ABHD12: variants seen among roughly 807,000 people sequenced by gnomAD.
The protein encoded by ABHD12 is lysophosphatidylserine lipase ABHD12.
A neutral mutation model predicts 58.3 loss-of-function variants in ABHD12; 43 were observed. That is an observed-to-expected ratio of 0.74 (90% CI 0.58 to 0.95). The LOEUF is 0.95. ABHD12 is among the 40% of genes least tolerant of loss of function. The pLI, the probability that ABHD12 is intolerant of heterozygous loss-of-function variation, is 0.00. For synonymous variants in ABHD12, 219 were observed against 211.2 expected (o/e 1.04, Z -0.32); for missense variants, 539 against 537.2 (o/e 1.00, Z -0.03).
intron 1 of ABHD12, among the ~76,000 whole-genome samples, chr20:25,382,170 T>G (rs1318117205): frequency 1.3e-5 from 2 of 152,234 alleles, no homozygotes; most frequent in Non-Finnish European, 2.9e-5. Flanking sequence ...AAAACTCACC[T>G]GAGACCTGGG....
intron 1 of ABHD12, 50 bp downstream of exon 1, chr20:25,390,463 A>T (rs1015127957): frequency 7.5e-7 from 1 of 1,327,892 alleles, no homozygotes; most frequent in East Asian, 4.7e-5. Context: ...GCACCTGCGC[A>T]AAGTGAGGGA....
downstream of ABHD12, chr20:25,297,735 G>C (rs181745719): frequency 2.6e-5 from 4 of 152,344 alleles, no homozygotes; most frequent in African/African-American, 9.6e-5. Flanking sequence ...GATCTGGGCT[G>C]CGGGGAGGCT....
At chr20:25,369,927 T>TAAAAA (rs3032443) in intron 1 of ABHD12, among the ~76,000 whole-genome samples, 1,487 of 90,480 alleles carry the variant, frequency 0.016, 36 homozygotes, top group African/African-American at 0.053. Context: ...GTCTCTGTTA[T>TAAAAA]AAAAAAAAAA....
At chr20:25,318,699 C>T (rs1468305842) in intron 4 of ABHD12, among the ~76,000 whole-genome samples, 9 of 150,558 alleles carry the variant, frequency 6.0e-5, no homozygotes, top group Non-Finnish European at 1.2e-4. Flanking sequence ...ATGGGCACTG[C>T]AGAACTGAAC....
intron 1 of ABHD12, among the ~76,000 whole-genome samples, chr20:25,375,814 T>C (rs1464977239): frequency 2.0e-5 from 3 of 152,200 alleles, no homozygotes; most frequent in Admixed American, 2.0e-4. Flanking sequence ...GGAAGTTCTA[T>C]GTTTCTTTTA....
intron 10 of ABHD12, among the ~76,000 whole-genome samples, chr20:25,305,320 TC>T (rs2088715274): frequency 6.6e-6 from 1 of 152,210 alleles, no homozygotes; most frequent in Non-Finnish European, 1.5e-5. Flanking sequence ...TTTTTCATAT[TC>T]TGTTTCAAAT....
chr20:25,309,385 C>T, intron 7 of ABHD12, 61 bp downstream of exon 7: 1 of 1,611,190 alleles, frequency 6.2e-7, no homozygotes, highest in Non-Finnish European at 8.5e-7. Context: ...TAGATCCAGG[C>T]ATGGGAGTCA....
chr20:25,370,728 C>A (rs2089889787), intron 1 of ABHD12, among the ~76,000 whole-genome samples: 1 of 152,164 alleles, frequency 6.6e-6, no homozygotes, highest in Admixed American at 6.5e-5. Flanking sequence ...ACCCACCAAT[C>A]TCATGAGGCA....
downstream of ABHD12, chr20:25,296,503 C>A (rs201566117): frequency 1.2e-6 from 2 of 1,613,466 alleles, no homozygotes; most frequent in Non-Finnish European, 1.7e-6. Flanking sequence ...ATCCCGCCCC[C>A]CAACATCCCC....
intron 6 of ABHD12, among the ~76,000 whole-genome samples, chr20:25,313,119 G>A (rs867543500): frequency 0.01 from 1,551 of 152,358 alleles, 4 homozygotes; most frequent in African/African-American, 0.032. Flanking sequence ...CCATGATGAC[G>A]ATGGCGGTTT....
At chr20:25,347,954 G>A (rs1262185063) in intron 1 of ABHD12, among the ~76,000 whole-genome samples, 1 of 151,334 alleles carries the variant, frequency 6.6e-6, no homozygotes, top group Non-Finnish European at 1.5e-5. Context: ...TCTCACGCCT[G>A]GAATCCCAGC....
At chr20:25,298,666 CCTT>C (rs2088588715), downstream of ABHD12, among the ~76,000 whole-genome samples, 2 of 152,192 alleles carry the variant, frequency 1.3e-5, no homozygotes, top group Non-Finnish European at 1.5e-5. Context: ...TGTGCTGGTC[CCTT>C]TGCACCTGCA....
Position 25,318,698 on chromosome 20 carries a change from G to A in ABHD12, c.542+1501C>T, listed in dbSNP as rs1268379247. Among the ~76,000 whole-genome samples, 10 of 150,900 alleles carry A rather than the reference G, an allele frequency of 6.6e-5. No homozygotes were observed. In the East Asian group the frequency reaches 1.9e-3, roughly 29 times the overall value. On this transcript the variant is annotated intron_variant, in intron 4 of 12. Coordinates refer to ENST00000339157, the MANE Select transcript of ABHD12 (RefSeq NM_001042472.3). ...TTTTTTTAACCATGTGATGGGCACT[G>A]CAGAACTGAACCTTATTCACAGCCA...
At chr20:25,329,980 C>A (rs993437472) in intron 2 of ABHD12, among the ~76,000 whole-genome samples, 5 of 152,190 alleles carry the variant, frequency 3.3e-5, no homozygotes, top group African/African-American at 9.7e-5. Flanking sequence ...CAAATAGGAA[C>A]AGCTCCAGTC....
At chr20:25,295,037 TAAAG>T (rs775751716) in intron 12 of ABHD12, 15 of 1,614,190 alleles carry the variant, frequency 9.3e-6, no homozygotes, top group Non-Finnish European at 1.3e-5. Flanking sequence ...AGGTCTGTGA[TAAAG>T]GAAGTGCTTT....
chr20:25,371,571 A>C (rs891624578), intron 1 of ABHD12, among the ~76,000 whole-genome samples: 1 of 152,206 alleles, frequency 6.6e-6, no homozygotes, highest in African/African-American at 2.4e-5. Flanking sequence ...ATGTTCTATA[A>C]AATGGGGACT....
At chr20:25,351,924 CAAAAA>C (rs1233704946) in intron 1 of ABHD12, among the ~76,000 whole-genome samples, 1 of 152,050 alleles carries the variant, frequency 6.6e-6, no homozygotes, top group Admixed American at 6.6e-5. Flanking sequence ...CAAAACAAAA[CAAAAA>C]AACTACACAC....
intron 1 of ABHD12, among the ~76,000 whole-genome samples, chr20:25,365,850 A>G (rs1460806608): frequency 6.6e-6 from 1 of 152,028 alleles, no homozygotes; most frequent in Non-Finnish European, 1.5e-5. Flanking sequence ...GGAGTTCAAG[A>G]CCAGCCTGGA....
chr20:25,317,423 A>C (rs1237066885), intron 4 of ABHD12, among the ~76,000 whole-genome samples: 1 of 152,212 alleles, frequency 6.6e-6, no homozygotes, highest in Non-Finnish European at 1.5e-5. Context: ...CCCTGTGTAG[A>C]CAGAGGCTGT....
Sources: gnomAD v4.1 joint callset for allele counts (sites outside exome capture counted in the v4.1 genomes callset) on GRCh38, gnomAD v4.1.1 for gene constraint, MANE v1.5 for transcripts, NCBI Gene and HGNC (gene_info 2026-07-23, HGNC 2026-07-21) for gene names.